Variants in CCDC88C observed in about 807,000 individuals in gnomAD.
CCDC88C encodes the protein coiled-coil and HOOK domain protein 88C.
CCDC88C carries 131 observed loss-of-function variants against 198.8 expected under a neutral mutation model. The ratio of observed to expected loss-of-function variants is 0.66; its 90% CI spans 0.57 to 0.76. The LOEUF (loss-of-function observed/expected upper bound fraction) is 0.76. CCDC88C is among the 30% of genes least tolerant of loss of function. The pLI is 0.00. For missense variants in CCDC88C, 2,553 were observed against 2,631.6 expected (o/e 0.97, Z 0.65); for synonymous variants, 1,166 against 1,114.7 (o/e 1.05, Z -0.92).
intron 3 of CCDC88C, among the ~76,000 whole-genome samples, chr14:91,368,111 T>G (rs1377274834): frequency 2.0e-5 from 3 of 152,228 alleles, no homozygotes; most frequent in Admixed American, 6.5e-5. Context: ...AAATATATAT[T>G]GAGTACACAG....
In CCDC88C at chr14:91,273,118, C is replaced by G; in HGVS notation, c.5594G>C (p.Gly1865Ala). The stretch of plus-strand genomic sequence containing the variant: ...GCCCTGACAGGAGCTGCCAGCCTTT[C>G]CCACAAGTGGGGTCCGCTCCCGGGC... ...SLARERTPLV[G>A]KAGSSCQGPG... The change falls in exon 30 of 30, where the codon GGA becomes GCA. Residue 1865 changes from glycine to alanine, a missense_variant. Physicochemically the swap from Gly to Ala is moderately conservative, Grantham distance 60. This residue lies in a region of CCDC88C where 1,293 missense variants were observed against 1,219.6 expected (regional missense o/e 1.06). Coordinates refer to ENST00000389857, the MANE Select transcript of CCDC88C (RefSeq NM_001080414.4). This position sits in a 1 kb window ranked among gnomAD's most constrained non-coding sequence, Gnocchi z 5.6. 1 of 1,571,602 alleles carries G rather than the reference C, an allele frequency of 6.4e-7. No individual in the cohort carries two copies. Among genetic ancestry groups the G allele is most frequent in the Non-Finnish European group, 8.6e-7 (1 of 1,158,518 alleles).
intron 10 of CCDC88C, among the ~76,000 whole-genome samples, chr14:91,327,226 T>A (rs1236204306): frequency 6.6e-6 from 1 of 151,922 alleles, no homozygotes; most frequent in Non-Finnish European, 1.5e-5. Flanking sequence ...AGGCTGGGAG[T>A]TTCTACTTAT....
chr14:91,404,251 C>A (rs116063107), intron 3 of CCDC88C, among the ~76,000 whole-genome samples: 159 of 152,328 alleles, frequency 1.0e-3, no homozygotes, highest in African/African-American at 3.7e-3. Flanking sequence ...CTCAACACCC[C>A]CTGCTCCCTC....
Position 91,307,046 on chromosome 14 carries a change from C to T in CCDC88C, c.3187G>A (p.Glu1063Lys). ...CAGGCCAGCCCACTCACATTCCGCT[C>T]CAGCTCGATGGCCCGGTCCTTCACT... ...LRVKDRAIEL[E>K]RNNAALQAEK... The change falls in exon 18 of 30, where the codon GAG becomes AAG. Residue 1063 changes from glutamate (E) to lysine (K), a missense_variant. By Grantham distance (56) the Glu-to-Lys change is moderately conservative. Transcript: ENST00000389857. 6.2e-7 allele frequency: 1 copy of T among 1,611,198 alleles called. No individual in the cohort carries two copies. The highest frequency in any genetic ancestry group is 8.5e-7 in the Non-Finnish European group (1 of 1,178,312).
intron 6 of CCDC88C, 176 bp downstream of exon 6, chr14:91,342,204 G>T: frequency 4.9e-6 from 2 of 408,796 alleles, no homozygotes. Flanking sequence ...CTGGCTGATT[G>T]ATGGCTATCT....
At chr14:91,368,468 G>A (rs1894639912) in intron 3 of CCDC88C, among the ~76,000 whole-genome samples, 1 of 152,138 alleles carries the variant, frequency 6.6e-6, no homozygotes, top group African/African-American at 2.4e-5. Context: ...CTTTCCAACT[G>A]TAAAATCCCA....
At chr14:91,287,101 T>C (rs1228694373) in intron 25 of CCDC88C, among the ~76,000 whole-genome samples, 2 of 152,208 alleles carry the variant, frequency 1.3e-5, no homozygotes, top group Non-Finnish European at 2.9e-5. Flanking sequence ...TAACTCAGAC[T>C]GATTATAGTT....
chr14:91,290,321 A>G (rs947510971), intron 24 of CCDC88C, among the ~76,000 whole-genome samples: 1 of 152,218 alleles, frequency 6.6e-6, no homozygotes, highest in Non-Finnish European at 1.5e-5. Flanking sequence ...CAAAAACCAA[A>G]AACAGACTGA....
At position 91,292,772 on chromosome 14, in the gene CCDC88C, C is replaced by T. The variant is rs541637971; in HGVS notation, c.4112+1401G>A. Among the ~76,000 whole-genome samples the T allele has an allele frequency of 3.9e-5, 6 of 152,252 alleles. No homozygotes were observed. The East Asian group carries it at 1.2e-3, about 29-fold the overall frequency. The stretch of plus-strand genomic sequence containing the variant: ...ACCACCATGGCTAGGATCCAGAAAC[C>T]ACTCTAGATTCTCGATTCCTCGACT... On this transcript the variant is annotated intron_variant, in intron 23 of 29. Transcript: ENST00000389857.
intron 3 of CCDC88C, among the ~76,000 whole-genome samples, chr14:91,374,067 G>C (rs1894962284): frequency 1.3e-5 from 2 of 152,236 alleles, no homozygotes; most frequent in African/African-American, 4.8e-5. Context: ...CCAGGGCTCT[G>C]CACAGTGTGG....
At chr14:91,308,183 C>G (rs1177778743) in intron 17 of CCDC88C, among the ~76,000 whole-genome samples, 168 bp downstream of exon 17, 2 of 152,166 alleles carry the variant, frequency 1.3e-5, no homozygotes, top group African/African-American at 4.8e-5. Context: ...CTGTTTGGCC[C>G]TAGTGCGTGT....
Position 91,381,957 on chromosome 14 carries a change from C to T in CCDC88C, c.271-22246G>A, listed in dbSNP as rs560847467. 2.6e-5 allele frequency among the ~76,000 whole-genome samples: 4 copies of T among 152,176 alleles called. No homozygotes were observed. The highest frequency in any genetic ancestry group is 4.4e-5 in the Non-Finnish European group (3 of 68,038). ...ATTTTCTGAACAGCCCATTTTATCA[C>T]GACATCTTGTCTTCATTGTTTCACA... On this transcript the variant is annotated intron_variant, in intron 3 of 29. Coordinates refer to ENST00000389857, the MANE Select transcript of CCDC88C (RefSeq NM_001080414.4). This position sits in a 1 kb window ranked among gnomAD's most constrained non-coding sequence, Gnocchi z 4.2.
At chr14:91,295,770 C>A (rs954028520) in intron 22 of CCDC88C, among the ~76,000 whole-genome samples, 4 of 152,176 alleles carry the variant, frequency 2.6e-5, no homozygotes, top group Non-Finnish European at 4.4e-5. Flanking sequence ...AACCATGTCC[C>A]CAGAATTCAT....
rs188888619 is a variant in CCDC88C at position 91,328,645 on chromosome 14, C to T, written c.1051-2589G>A. ...GGCAGTGATTAGGCACGGGAGCTAA[C>T]GGGCCCCGATTCCCAGGGCTGCTAC... On this transcript the variant is annotated intron_variant, in intron 10 of 29. Transcript: ENST00000389857. 1.1e-4 allele frequency among the ~76,000 whole-genome samples: 17 copies of T among 152,314 alleles called. No homozygotes were observed. In the East Asian group the frequency reaches 2.7e-3, roughly 24 times the overall value.
chr14:91,339,735 G>C lies in CCDC88C; in HGVS notation c.624+149C>G. On this transcript the variant is annotated intron_variant, in intron 7 of 29. Transcript: ENST00000389857. This position sits in a 1 kb window ranked among gnomAD's most constrained non-coding sequence, Gnocchi z 5.8. The stretch of plus-strand genomic sequence containing the variant: ...GGCCCGAGGTGACCATGCACTGCAG[G>C]GGCCGTAACCAGGGAAAGCACGCAC... The C allele has an allele frequency of 4.8e-6, 5 of 1,037,282 alleles. No individual in the cohort carries two copies. Among genetic ancestry groups the C allele is most frequent in the Non-Finnish European group, 6.8e-6 (5 of 735,396 alleles). The allele number at this position is 1,037,282 out of a possible 1,614,324, so 64.3% of individuals were successfully genotyped here.
chr14:91,299,799 G>C, intron 21 of CCDC88C, 128 bp downstream of exon 21: 1 of 1,273,266 alleles, frequency 7.9e-7, no homozygotes, highest in South Asian at 1.7e-5. Flanking sequence ...CCACCCAGCT[G>C]TTCACACAGC....
At chr14:91,280,350 C>T (rs1039237735) in intron 27 of CCDC88C, among the ~76,000 whole-genome samples, 2 of 152,188 alleles carry the variant, frequency 1.3e-5, no homozygotes, top group South Asian at 4.1e-4. Flanking sequence ...CTGCAAACAG[C>T]AGATGTCCAG....
chr14:91,319,634 A>G (rs749352502), intron 13 of CCDC88C, among the ~76,000 whole-genome samples: 1 of 152,222 alleles, frequency 6.6e-6, no homozygotes, highest in African/African-American at 2.4e-5. Context: ...TGCATGCTTT[A>G]TAACAGTGCC....
At chr14:91,370,374 G>C (rs949763874) in intron 3 of CCDC88C, among the ~76,000 whole-genome samples, 1 of 152,214 alleles carries the variant, frequency 6.6e-6, no homozygotes, top group Non-Finnish European at 1.5e-5. Flanking sequence ...GCGTCCAGAA[G>C]AACTCAGGGA....
Sources: allele counts gnomAD v4.1 joint callset (sites outside exome capture counted in the v4.1 genomes callset), GRCh38; gene constraint gnomAD v4.1.1; regional missense constraint gnomAD v4.1.1; non-coding constraint Gnocchi (gnomAD v3.1); transcripts MANE v1.5; gene names NCBI Gene and HGNC (gene_info 2026-07-23, HGNC 2026-07-21).